NKAIN2: variants seen among roughly 807,000 people sequenced by gnomAD.
NKAIN2 encodes the protein sodium/potassium-transporting ATPase subunit beta-1-interacting protein 2.
In NKAIN2, 14 loss-of-function variants were observed where a neutral mutation model predicts 32.6. The observed-to-expected ratio is 0.43, with a 90% CI of 0.28 to 0.67. The LOEUF (loss-of-function observed/expected upper bound fraction) is 0.67. Ranked by LOEUF, NKAIN2 falls within the 30% of genes least tolerant of loss-of-function variation. The probability of loss-of-function intolerance (pLI) is 0.17; values close to 1 mark genes in which losing one functional copy is unlikely to be tolerated. For missense variants in NKAIN2, 198 were observed against 258.3 expected (o/e 0.77, Z 1.60); for synonymous variants, 80 against 87.2 (o/e 0.92, Z 0.46).
At chr6:124,336,679 TTTG>T (rs769213584) in intron 2 of NKAIN2, among the ~76,000 whole-genome samples, 7 of 29,588 alleles carry the variant, frequency 2.4e-4, no homozygotes, top group Admixed American at 1.8e-3. Flanking sequence ...TTTTTTTTTG[TTTG>T]TTTTTTTTTT....
chr6:124,723,724 T>G (rs1776138885), intron 4 of NKAIN2, among the ~76,000 whole-genome samples: 1 of 152,356 alleles, frequency 6.6e-6, no homozygotes, highest in East Asian at 1.9e-4. Flanking sequence ...GTGCTTAATG[T>G]CAAGATTTGA....
chr6:124,230,876 C>G (rs917826089), intron 1 of NKAIN2, among the ~76,000 whole-genome samples: 5 of 152,246 alleles, frequency 3.3e-5, no homozygotes, highest in African/African-American at 1.2e-4. Flanking sequence ...GTTGGAGACC[C>G]CACACAGAGT....
intron 4 of NKAIN2, among the ~76,000 whole-genome samples, chr6:124,716,252 T>C (rs753345505): frequency 6.0e-4 from 92 of 152,296 alleles, no homozygotes; most frequent in Non-Finnish European, 1.1e-3. Context: ...ACCCACCAAC[T>C]TTGCAAATTA....
At chr6:124,703,237 G>T (rs1481868430) in intron 4 of NKAIN2, among the ~76,000 whole-genome samples, 1 of 151,552 alleles carries the variant, frequency 6.6e-6, no homozygotes, top group Non-Finnish European at 1.5e-5. Context: ...TTCAAAAGTA[G>T]GTATGATATG....
At chr6:123,813,307 G>A (rs1773555908) in intron 1 of NKAIN2, among the ~76,000 whole-genome samples, 1 of 152,142 alleles carries the variant, frequency 6.6e-6, no homozygotes, top group South Asian at 2.1e-4. Context: ...TTGATGCTGG[G>A]AATCATAATT....
intron 2 of NKAIN2, among the ~76,000 whole-genome samples, chr6:124,299,140 G>T (rs1005073524): frequency 6.6e-6 from 1 of 152,120 alleles, no homozygotes; most frequent in Non-Finnish European, 1.5e-5. Flanking sequence ...GAGAATCCAA[G>T]GCTTCTTTCT....
intron 1 of NKAIN2, among the ~76,000 whole-genome samples, chr6:124,062,930 C>T (rs1331044608): frequency 6.6e-6 from 1 of 152,090 alleles, no homozygotes. Flanking sequence ...CGCGGTGGCT[C>T]ACGCCTGTAA....
intron 1 of NKAIN2, among the ~76,000 whole-genome samples, chr6:124,149,657 G>C (rs1014054163): frequency 1.3e-5 from 2 of 152,154 alleles, no homozygotes; most frequent in African/African-American, 4.8e-5. Flanking sequence ...CCTTGTACCA[G>C]TACCACATGA....
chr6:123,919,303 A>G (rs148931432), intron 1 of NKAIN2, among the ~76,000 whole-genome samples: 142 of 152,238 alleles, frequency 9.3e-4, no homozygotes, highest in Middle Eastern at 3.4e-3. Flanking sequence ...GATTTGAGAA[A>G]AGTTTAGAGC....
chr6:124,229,983 G>T (rs867176419), intron 1 of NKAIN2, among the ~76,000 whole-genome samples: 92 of 152,184 alleles, frequency 6.0e-4, no homozygotes, highest in African/African-American at 2.2e-3. Flanking sequence ...AACTGGGTAA[G>T]AGGGAGAGGT....
chr6:124,667,026 T>A (rs796658328), intron 4 of NKAIN2, among the ~76,000 whole-genome samples: 5 of 152,290 alleles, frequency 3.3e-5, no homozygotes, highest in African/African-American at 1.2e-4. Context: ...AAAAATTAAC[T>A]AAATCCTACT....
intron 1 of NKAIN2, among the ~76,000 whole-genome samples, chr6:124,069,717 T>C (rs1421377739): frequency 6.6e-6 from 1 of 152,112 alleles, no homozygotes; most frequent in Admixed American, 6.6e-5. Context: ...ATAGAAGTGA[T>C]GTTGCTAATT....
intron 4 of NKAIN2, among the ~76,000 whole-genome samples, chr6:124,776,950 A>T (rs1779007328): frequency 6.6e-6 from 1 of 152,106 alleles, no homozygotes; most frequent in African/African-American, 2.4e-5. Flanking sequence ...TTAGTTATAG[A>T]TATTCAATTT....
chr6:124,700,155 T>C, intron 4 of NKAIN2, among the ~76,000 whole-genome samples: 1 of 152,172 alleles, frequency 6.6e-6, no homozygotes, highest in Non-Finnish European at 1.5e-5. Flanking sequence ...CAGAACAACC[T>C]GCTTAAGTGA....
intron 3 of NKAIN2, among the ~76,000 whole-genome samples, chr6:124,495,914 C>G (rs768266908): frequency 5.3e-5 from 8 of 152,036 alleles, no homozygotes; most frequent in Non-Finnish European, 8.8e-5. Context: ...TTCTGCCTAC[C>G]AAGAAAGTGG....
intron 1 of NKAIN2, among the ~76,000 whole-genome samples, chr6:123,929,377 A>G (rs1776151555): frequency 6.6e-6 from 1 of 152,080 alleles, no homozygotes; most frequent in Admixed American, 6.6e-5. Context: ...CAGAGGAGAA[A>G]GAAGATTTGT....
chr6:124,497,824 T>TA (rs33913104), intron 3 of NKAIN2, among the ~76,000 whole-genome samples: 23,691 of 105,620 alleles, frequency 0.22, 2,723 homozygotes, highest in African/African-American at 0.29. Context: ...GAGTAAGGGG[T>TA]AAAAAAAAAA....
chr6:124,592,759 G>T (rs993673745), intron 3 of NKAIN2, among the ~76,000 whole-genome samples: 2 of 152,136 alleles, frequency 1.3e-5, no homozygotes, highest in Non-Finnish European at 2.9e-5. Context: ...CTGTTGTGTA[G>T]CTATGTAAAT....
At chr6:124,216,305 C>A (rs1791475566) in intron 1 of NKAIN2, among the ~76,000 whole-genome samples, 1 of 152,080 alleles carries the variant, frequency 6.6e-6, no homozygotes, top group South Asian at 2.1e-4. Context: ...TAACTGCAGT[C>A]AAATTACAGT....
Sources: gnomAD v4.1 joint callset for allele counts (sites outside exome capture counted in the v4.1 genomes callset) on GRCh38, gnomAD v4.1.1 for gene constraint, MANE v1.5 for transcripts, NCBI Gene and HGNC (gene_info 2026-07-23, HGNC 2026-07-21) for gene names.